Variants in PDE8B observed in about 807,000 individuals in gnomAD.
The protein encoded by PDE8B is phosphodiesterase 8B, also known as high affinity cAMP-specific and IBMX-insensitive 3',5'-cyclic phosphodiesterase 8B.
PDE8B carries 26 observed loss-of-function variants against 101.3 expected under a neutral mutation model. That is an observed-to-expected ratio of 0.26 (90% CI 0.19 to 0.36). The LOEUF (loss-of-function observed/expected upper bound fraction) is 0.36, where lower values mean the gene tolerates loss of function less well. PDE8B is among the 10% of genes least tolerant of loss of function. The pLI is 1.00. For synonymous variants in PDE8B, 424 were observed against 429.3 expected (o/e 0.99, Z 0.15); for missense variants, 810 against 1,163.1 (o/e 0.70, Z 4.42).
intron 10 of PDE8B, among the ~76,000 whole-genome samples, chr5:77,376,308 G>A (rs545635094): frequency 2.0e-5 from 3 of 152,224 alleles, no homozygotes; most frequent in Admixed American, 6.5e-5. Flanking sequence ...CTGCTCGACC[G>A]CATGGCACCA....
intron 10 of PDE8B, among the ~76,000 whole-genome samples, chr5:77,369,234 A>T (rs577018400): frequency 2.0e-5 from 3 of 150,272 alleles, no homozygotes; most frequent in African/African-American, 7.3e-5. Flanking sequence ...AAGAAGAGAT[A>T]GACATAAGAG....
At chr5:77,373,953 G>A (rs1361763461) in intron 10 of PDE8B, among the ~76,000 whole-genome samples, 1 of 152,136 alleles carries the variant, frequency 6.6e-6, no homozygotes, top group Non-Finnish European at 1.5e-5. Flanking sequence ...AGGTTCAAGC[G>A]ATTCTCCTGC....
the PDE8B span, among the ~76,000 whole-genome samples, chr5:77,116,959 C>T: frequency 2.0e-5 from 3 of 152,190 alleles, no homozygotes; most frequent in Admixed American, 1.3e-4. Context: ...CCTTTCCCCC[C>T]AGGCTCTCAG....
At chr5:77,366,879 C>T (rs539047593) in intron 10 of PDE8B, among the ~76,000 whole-genome samples, 15 of 152,192 alleles carry the variant, frequency 9.9e-5, no homozygotes, top group Middle Eastern at 3.4e-3. Context: ...GGCAGCCCCC[C>T]GGTGGCCATC....
chr5:77,360,592 T>G (rs987017345), intron 10 of PDE8B, among the ~76,000 whole-genome samples: 1 of 152,240 alleles, frequency 6.6e-6, no homozygotes, highest in Non-Finnish European at 1.5e-5. Flanking sequence ...TGCTGGCACT[T>G]GGCCCAGTGG....
chr5:77,126,952 T>A, the PDE8B span, among the ~76,000 whole-genome samples: 8 of 152,242 alleles, frequency 5.3e-5, no homozygotes, highest in Non-Finnish European at 8.8e-5. Flanking sequence ...GCCACTATTT[T>A]GTCCAAGCCT....
At chr5:77,284,420 C>T (rs1353688799) in intron 1 of PDE8B, among the ~76,000 whole-genome samples, 2 of 152,082 alleles carry the variant, frequency 1.3e-5, no homozygotes, top group Non-Finnish European at 2.9e-5. Context: ...TTTAGATTTC[C>T]CCTATGCTAT....
rs568590206 is a variant in PDE8B at position 77,395,217 on chromosome 5, C to T, written c.1168-5031C>T. ...CTGCAAGCTCCGCCTCCCGGGTTCA[C>T]GCCATTCTCCTGCCTCAGCCTCCCA... On this transcript the variant is annotated intron_variant, in intron 10 of 21. Coordinates refer to ENST00000264917, the MANE Select transcript of PDE8B (RefSeq NM_003719.5). Among the ~76,000 whole-genome samples the T allele has an allele frequency of 3.0e-4, 45 of 151,458 alleles. No homozygotes were observed. The South Asian group carries it at 7.5e-3, about 25-fold the overall frequency.
the PDE8B span, among the ~76,000 whole-genome samples, chr5:77,185,364 T>C: frequency 1.3e-5 from 2 of 152,240 alleles, no homozygotes; most frequent in Non-Finnish European, 2.9e-5. Context: ...CTTCTTGGCT[T>C]GTAGACGGTC....
At chr5:77,188,579 C>T in the PDE8B span, among the ~76,000 whole-genome samples, 1 of 152,214 alleles carries the variant, frequency 6.6e-6, no homozygotes, top group Non-Finnish European at 1.5e-5. Flanking sequence ...GGAAAGACCA[C>T]AGCTCACCCA....
At chr5:77,235,454 A>T (rs908173096) in intron 1 of PDE8B, among the ~76,000 whole-genome samples, 2 of 152,176 alleles carry the variant, frequency 1.3e-5, no homozygotes, top group African/African-American at 4.8e-5. Context: ...TCCCTGTTAG[A>T]GTCTCATTCT....
intron 1 of PDE8B, among the ~76,000 whole-genome samples, chr5:77,288,050 G>A (rs184198601): frequency 1.2e-4 from 18 of 152,194 alleles, no homozygotes; most frequent in Admixed American, 3.9e-4. Flanking sequence ...GCATATTCCC[G>A]CAGACAGAAT....
the PDE8B span, chr5:77,119,677 A>AG: frequency 6.6e-6 from 1 of 151,364 alleles, no homozygotes; most frequent in African/African-American, 2.5e-5. Context: ...AAAAAAAAAA[A>AG]GAGTGTTCAC....
At chr5:77,091,970 G>C in the PDE8B span, among the ~76,000 whole-genome samples, 1 of 152,168 alleles carries the variant, frequency 6.6e-6, no homozygotes, top group East Asian at 1.9e-4. Flanking sequence ...TTACACTCCA[G>C]TATGACAGTA....
At chr5:77,171,124 T>A in the PDE8B span, among the ~76,000 whole-genome samples, 1 of 152,174 alleles carries the variant, frequency 6.6e-6, no homozygotes, top group Admixed American at 6.5e-5. Flanking sequence ...TGGAGAAAGC[T>A]TGATCATTTA....
chr5:77,146,494 GA>G, the PDE8B span: 1 of 162,754 alleles, frequency 6.1e-6, no homozygotes, highest in African/African-American at 2.4e-5. Context: ...GCTGCATAGA[GA>G]GAGCACGGGG....
the PDE8B span, among the ~76,000 whole-genome samples, chr5:77,129,740 C>T: frequency 1.3e-5 from 2 of 152,164 alleles, no homozygotes; most frequent in Admixed American, 1.3e-4. Flanking sequence ...GGATGCGGTC[C>T]ATGACCTTCA....
intron 1 of PDE8B, among the ~76,000 whole-genome samples, chr5:77,216,405 T>C (rs1251904193): frequency 6.6e-6 from 1 of 152,184 alleles, no homozygotes; most frequent in Non-Finnish European, 1.5e-5. Flanking sequence ...TCTTACATGG[T>C]GGCAGACGAG....
chr5:77,160,107 A>C, the PDE8B span, among the ~76,000 whole-genome samples: 1 of 152,196 alleles, frequency 6.6e-6, no homozygotes, highest in Non-Finnish European at 1.5e-5. Context: ...CATCCTGTTA[A>C]AGCAAAAGGA....
Sources: gnomAD v4.1 joint callset for allele counts (sites outside exome capture counted in the v4.1 genomes callset) on GRCh38, gnomAD v4.1.1 for gene constraint, MANE v1.5 for transcripts, NCBI Gene and HGNC (gene_info 2026-07-23, HGNC 2026-07-21) for gene names.